The following TMEFF1 variants were observed in gnomAD, a reference collection of about 807,000 sequenced individuals.
TMEFF1 encodes the protein tomoregulin-1.
A neutral mutation model predicts 47.5 loss-of-function variants in TMEFF1; 20 were observed. The ratio of observed to expected loss-of-function variants is 0.42; its 90% CI spans 0.30 to 0.61. The LOEUF (loss-of-function observed/expected upper bound fraction) is 0.61, where lower values mean the gene tolerates loss of function less well. Ranked by LOEUF, TMEFF1 falls within the 20% of genes least tolerant of loss-of-function variation. The pLI is 0.19. For synonymous variants in TMEFF1, 162 were observed against 166.3 expected, an observed-to-expected ratio of 0.97 and a Z score of 0.20; for missense variants, 411 against 471.1, an observed-to-expected ratio of 0.87 and a Z score of 1.18.
intron 7 of TMEFF1, 100 bp from the exon 8 acceptor site, chr9:100,561,297 G>A: frequency 4.6e-6 from 7 of 1,520,494 alleles, no homozygotes; most frequent in Non-Finnish European, 6.1e-6. Flanking sequence ...GTAGGTGGTT[G>A]ACAGTGGGTG....
chr9:100,485,668 C>T (rs1449919064), intron 1 of TMEFF1, among the ~76,000 whole-genome samples: 1 of 152,046 alleles, frequency 6.6e-6, no homozygotes. Flanking sequence ...ATTTATCCCC[C>T]TTCATTTTTT....
intron 5 of TMEFF1, among the ~76,000 whole-genome samples, chr9:100,520,932 C>T (rs1838150010): frequency 1.3e-5 from 2 of 152,094 alleles, no homozygotes; most frequent in African/African-American, 4.8e-5. Context: ...GTTTTGGGTT[C>T]TATATCTGTT....
intron 1 of TMEFF1, among the ~76,000 whole-genome samples, chr9:100,496,273 G>C (rs1837647092): frequency 6.6e-6 from 1 of 152,090 alleles, no homozygotes; most frequent in African/African-American, 2.4e-5. Context: ...ACAGAGTCTT[G>C]CTCTTTCACT....
intron 5 of TMEFF1, among the ~76,000 whole-genome samples, chr9:100,523,711 T>C (rs972565981): frequency 4.6e-5 from 7 of 152,210 alleles, no homozygotes; most frequent in Admixed American, 3.9e-4. Flanking sequence ...AAATGGTACT[T>C]TCTATATAGG....
intron 7 of TMEFF1, among the ~76,000 whole-genome samples, chr9:100,555,096 C>T (rs1838891788): frequency 6.6e-6 from 1 of 151,986 alleles, no homozygotes; most frequent in Non-Finnish European, 1.5e-5. Flanking sequence ...GGATTTGTTT[C>T]TGAATGCCTC....
intron 5 of TMEFF1, among the ~76,000 whole-genome samples, chr9:100,528,524 G>A (rs1838311240): frequency 6.9e-6 from 1 of 145,062 alleles, no homozygotes; most frequent in Non-Finnish European, 1.5e-5. Context: ...AATGAAGCGA[G>A]AAGGGAAGTT....
intron 5 of TMEFF1, among the ~76,000 whole-genome samples, chr9:100,543,577 G>C (rs183057667): frequency 6.6e-6 from 1 of 152,038 alleles, no homozygotes; most frequent in East Asian, 1.9e-4. Flanking sequence ...GATTGCATCT[G>C]CTTCTGTCAT....
At chr9:100,530,598 T>C (rs892778123) in intron 5 of TMEFF1, among the ~76,000 whole-genome samples, 5 of 151,912 alleles carry the variant, frequency 3.3e-5, no homozygotes, top group Non-Finnish European at 2.9e-5. Flanking sequence ...TAATCAATAG[T>C]TTACCAACCA....
In TMEFF1 at chr9:100,547,822, C is replaced by T; in HGVS notation, c.639C>T (p.Pro213=). ...CASDGSSYNN[P]CFVREASCIK... ...CTGATGGGAGTTCCTATAACAATCC[C>T]TGTTTTGTTCGAGAAGCATCTTGTA... is the stretch of plus-strand genomic sequence containing the variant. The change falls in exon 6 of 10, where the codon CCC becomes CCT. Residue 213 remains proline, a synonymous_variant. Transcript: ENST00000374879. 1 of 1,610,734 alleles carries T rather than the reference C, an allele frequency of 6.2e-7. No homozygotes were observed. The highest frequency in any genetic ancestry group is 8.5e-7 in the Non-Finnish European group (1 of 1,178,892).
chr9:100,552,520 C>T (rs1437896341), intron 7 of TMEFF1, among the ~76,000 whole-genome samples: 1 of 152,132 alleles, frequency 6.6e-6, no homozygotes, highest in Non-Finnish European at 1.5e-5. Context: ...GCTTGTGGAA[C>T]TCATCCAGGT....
In TMEFF1 at chr9:100,559,245, A is replaced by G. The variant is rs190515658; in HGVS notation, c.776-2152A>G. On this transcript the variant is annotated intron_variant, in intron 7 of 9. Transcript: ENST00000374879. Reference sequence around the variant, plus strand: ...TCAGGATCATAGCAGCCCAAAAGAGAGCTTGATTTCTTTTGCAATGGCAGA... The same window carrying G: ...TCAGGATCATAGCAGCCCAAAAGAGGGCTTGATTTCTTTTGCAATGGCAGA... 7.8e-4 allele frequency among the ~76,000 whole-genome samples: 118 copies of G among 152,246 alleles called. No homozygotes were observed. In the East Asian group the frequency reaches 0.02, roughly 26 times the overall value.
chr9:100,577,414 A>G lies in TMEFF1; in HGVS notation c.*814A>G, dbSNP rs373212711. 2.4e-4 allele frequency: 36 copies of G among 152,604 alleles called. No individual in the cohort carries two copies. The highest frequency in any genetic ancestry group is 8.2e-4 in the African/African-American group (34 of 41,454). The allele number at this position is 152,604 out of a possible 1,614,324, so 9.5% of individuals were successfully genotyped here. A position where few individuals can be genotyped will look rare whatever the true frequency, so the allele number is the denominator to read the frequency against. On this transcript the variant is annotated 3_prime_UTR_variant, in exon 10 of 10. Transcript: ENST00000374879. ...TTGGTGCTCTTAAAGTGAGCTTAAA[A>G]TTTATCCAAGACGTATATCCAAATT...
intron 5 of TMEFF1, among the ~76,000 whole-genome samples, chr9:100,527,067 C>T (rs994497553): frequency 6.6e-6 from 1 of 151,206 alleles, no homozygotes; most frequent in East Asian, 1.9e-4. Context: ...CTCTCAAACC[C>T]GAGAGGCGGA....
chr9:100,497,319 T>TC, intron 1 of TMEFF1, among the ~76,000 whole-genome samples: 10 of 144,150 alleles, frequency 6.9e-5, no homozygotes, highest in African/African-American at 2.6e-4. Context: ...TCCACTCATG[T>TC]CTTTTTTTTT....
intron 5 of TMEFF1, among the ~76,000 whole-genome samples, chr9:100,531,226 G>A (rs1838370632): frequency 6.6e-6 from 1 of 152,134 alleles, no homozygotes; most frequent in Non-Finnish European, 1.5e-5. Flanking sequence ...AGTGTTGGAA[G>A]TTCTGGCCAG....
intron 5 of TMEFF1, among the ~76,000 whole-genome samples, chr9:100,528,002 G>T (rs887936565): frequency 6.6e-6 from 1 of 152,010 alleles, no homozygotes; most frequent in East Asian, 1.9e-4. Context: ...ACACGGCAGG[G>T]TATTCCAACA....
chr9:100,566,806 AT>A (rs1160654357), intron 8 of TMEFF1, among the ~76,000 whole-genome samples: 2 of 151,908 alleles, frequency 1.3e-5, no homozygotes, highest in African/African-American at 4.8e-5. Context: ...CTGGGTTCAA[AT>A]GATTCTCATG....
In TMEFF1 at chr9:100,572,468, G is replaced by A. The variant is rs767565257; in HGVS notation, c.900-50G>A. On this transcript the variant is annotated intron_variant, in intron 8 of 9. Coordinates refer to ENST00000374879, the MANE Select transcript of TMEFF1 (RefSeq NM_003692.5). The stretch of plus-strand genomic sequence containing the variant: ...TATTTTTTAATGTAAAAGCTTGGGA[G>A]TATCAAAATTTGTAATTTTCATAGG... The A allele has an allele frequency of 8.1e-6, 12 of 1,473,330 alleles. No individual in the cohort carries two copies. In the East Asian group the frequency reaches 2.4e-4, roughly 29 times the overall value. 91.3% of individuals were successfully genotyped at this position (1,473,330 alleles called of 1,614,324 possible). A position where few individuals can be genotyped will look rare whatever the true frequency, so the allele number is the denominator to read the frequency against.
intron 6 of TMEFF1, among the ~76,000 whole-genome samples, chr9:100,548,430 A>G (rs1225324651): frequency 2.0e-5 from 3 of 152,120 alleles, no homozygotes; most frequent in African/African-American, 4.8e-5. Context: ...GCTTTTTGTT[A>G]TAGCTTAGAA....
Sources: gnomAD v4.1 joint callset for allele counts (sites outside exome capture counted in the v4.1 genomes callset) on GRCh38, gnomAD v4.1.1 for gene constraint, MANE v1.5 for transcripts, NCBI Gene and HGNC (gene_info 2026-07-23, HGNC 2026-07-21) for gene names.